SEC14L6: variants seen among roughly 807,000 people sequenced by gnomAD.
SEC14L6 encodes the protein SEC14 like lipid binding 6.
SEC14L6 carries 40 observed loss-of-function variants against 54.1 expected under a neutral mutation model. That is an observed-to-expected ratio of 0.74 (90% confidence interval 0.57 to 0.96). The LOEUF is 0.96. SEC14L6 is among the 40% of genes least tolerant of loss of function. The probability of loss-of-function intolerance (pLI) is 0.00; values close to 1 mark genes in which losing one functional copy is unlikely to be tolerated. For synonymous variants in SEC14L6, 171 were observed against 198.4 expected, an observed-to-expected ratio of 0.86 and a Z score of 1.16; for missense variants, 471 against 498.3, an observed-to-expected ratio of 0.95 and a Z score of 0.52.
At chr22:30,546,537 G>C in intron 1 of SEC14L6, 92 bp downstream of exon 1, 2 of 1,224,314 alleles carry the variant, frequency 1.6e-6, no homozygotes, top group South Asian at 2.7e-5. Context: ...GAGCTGGAGA[G>C]TTCAGAAGAA....
chr22:30,545,029 C>T (rs768687002), intron 1 of SEC14L6, among the ~76,000 whole-genome samples: 7 of 152,148 alleles, frequency 4.6e-5, no homozygotes, highest in South Asian at 2.1e-4. Flanking sequence ...ACCACCTACC[C>T]CATGCAAAAC....
intron 11 of SEC14L6, 42 bp downstream of exon 11, chr22:30,525,307 CT>C: frequency 6.3e-7 from 1 of 1,597,772 alleles, no homozygotes; most frequent in Non-Finnish European, 8.5e-7. Flanking sequence ...CACCCTCCCC[CT>C]AGCCCCCAGC....
At chr22:30,535,033 A>C (rs1937100950) in intron 2 of SEC14L6, among the ~76,000 whole-genome samples, 1 of 74,138 alleles carries the variant, frequency 1.3e-5, no homozygotes, top group Non-Finnish European at 3.1e-5. Flanking sequence ...TGTCCCTATA[A>C]AAAGAAAAAA....
intron 8 of SEC14L6, among the ~76,000 whole-genome samples, chr22:30,528,422 C>CTTTTTTTTTTTTTTTTT (rs375073961): frequency 1.6e-4 from 17 of 105,518 alleles, no homozygotes; most frequent in South Asian, 9.6e-4. Context: ...CGCTCGGCCT[C>CTTTTTTTTTTTTTTTTT]TTTTTTTTTT....
intron 8 of SEC14L6, among the ~76,000 whole-genome samples, chr22:30,526,779 G>A (rs896974957): frequency 1.3e-5 from 2 of 152,064 alleles, no homozygotes; most frequent in African/African-American, 4.8e-5. Flanking sequence ...GGCAAACTAT[G>A]AACTGGCCAA....
chr22:30,525,024 G>A lies in SEC14L6; in HGVS notation c.1167C>T (p.Thr389=), dbSNP rs1936715952. Residue 389 remains threonine (T), a synonymous_variant, in exon 12 of 12, where the codon ACC becomes ACT. Transcript: ENST00000402034. ...YTVEVLLPDQ[T]FMEKMEKF is the part of the protein sequence containing the mutation. ...AGAATTTCTCCATCTTCTCCATGAA[G>A]GTTTGGTCTGGGAGCAGTACCTCCA... 6.5e-7 allele frequency: 1 copy of A among 1,544,574 alleles called. No homozygotes were observed. The highest frequency in any genetic ancestry group is 1.4e-5 in the African/African-American group (1 of 72,922).
At chr22:30,542,600 G>A (rs2085742356) in intron 1 of SEC14L6, 25 of 1,508,096 alleles carry the variant, frequency 1.7e-5, no homozygotes, top group Admixed American at 2.2e-5. Context: ...GTCCCCGGCC[G>A]CCTCGGGCCG....
Position 30,524,900 on chromosome 22 carries a change from G to C in SEC14L6, c.*97C>G. On this transcript the variant is annotated 3_prime_UTR_variant, in exon 12 of 12. Transcript: ENST00000402034. ...TGTGACCTGCTGTTGTAGAATCCCT[G>C]TTCCTGAGAGGTTGAACAGGGTCTG... The C allele has an allele frequency of 1.4e-6, 1 of 706,488 alleles. No individual in the cohort carries two copies. Among genetic ancestry groups the C allele is most frequent in the African/African-American group, 1.7e-5 (1 of 57,168 alleles). The allele number at this position is 706,488 out of a possible 1,614,324, so 43.8% of individuals were successfully genotyped here.
At chr22:30,528,119 CTTTTTTTTTTTT>C (rs1201756831) in intron 8 of SEC14L6, among the ~76,000 whole-genome samples, 4 of 117,700 alleles carry the variant, frequency 3.4e-5, no homozygotes, top group Non-Finnish European at 5.3e-5. Context: ...ACCTAGATTT[CTTTTTTTTTTTT>C]TTTTTTTTTG....
chr22:30,535,900 T>TC (rs1937127201), intron 2 of SEC14L6, among the ~76,000 whole-genome samples: 1 of 150,282 alleles, frequency 6.7e-6, no homozygotes, highest in African/African-American at 2.4e-5. Context: ...TTTTTTTTTT[T>TC]TTTTTTTTTG....
Position 30,531,892 on chromosome 22 carries a change from G to T in SEC14L6, c.519+11C>A, listed in dbSNP as rs370202016. The T allele has an allele frequency of 1.3e-6, 2 of 1,546,242 alleles. No homozygotes were observed. Among genetic ancestry groups the T allele is most frequent in the Non-Finnish European group, 1.7e-6 (2 of 1,143,292 alleles). On this transcript the variant is annotated intron_variant, in intron 6 of 11. Transcript: ENST00000402034. ...GACCACCCACCCATGCCCCTGGCGG[G>T]GTCACCTCACCTCCTGGAGAAGCTC...
rs1341184988 is a variant in SEC14L6 at position 30,533,975 on chromosome 22, A to G, written c.174+21T>C. On this transcript the variant is annotated intron_variant, in intron 3 of 11. Transcript: ENST00000402034. The stretch of plus-strand genomic sequence containing the variant: ...GATAGGAAACAGGACCAGGCTAGGC[A>G]GGGGGAGGTGTCAACCTCACCTTCC... 1.9e-6 allele frequency: 3 copies of G among 1,549,414 alleles called. No homozygotes were observed. The South Asian group carries it at 3.6e-5, about 18-fold the overall frequency.
At chr22:30,534,430 GAGA>G (rs1423143918) in intron 2 of SEC14L6, among the ~76,000 whole-genome samples, 1 of 128,810 alleles carries the variant, frequency 7.8e-6, no homozygotes, top group African/African-American at 3.0e-5. Flanking sequence ...TTTTTTTTTT[GAGA>G]AGGAGTCTCC....
chr22:30,543,755 T>TCAGA (rs1346228425), intron 1 of SEC14L6: 1 of 1,573,130 alleles, frequency 6.4e-7, no homozygotes, highest in Middle Eastern at 1.7e-4. Context: ...CTCGTCCGAA[T>TCAGA]CAGACAGAAG....
At chr22:30,533,126 A>G (rs1246311990) in intron 3 of SEC14L6, 25 of 985,340 alleles carry the variant, frequency 2.5e-5, no homozygotes, top group Non-Finnish European at 2.9e-5. Context: ...GATGTTTCCC[A>G]TGCCCCCTCC....
At position 30,532,006 on chromosome 22, in the gene SEC14L6, G is replaced by A; in HGVS notation, c.424-8C>T. 1.3e-6 allele frequency: 2 copies of A among 1,549,850 alleles called. No homozygotes were observed. Among genetic ancestry groups the A allele is most frequent in the Non-Finnish European group, 1.7e-6 (2 of 1,146,318 alleles). On this transcript the variant is annotated splice_polypyrimidine_tract_variant and splice_region_variant and intron_variant, in intron 5 of 11. Coordinates refer to ENST00000402034, the MANE Select transcript of SEC14L6 (RefSeq NM_001193336.4). Reference sequence around the variant, plus strand: ...CTCCACCCTCTTCCCCAGCTGCAAGGGAATGACAGGGGGTGAGACCCTGTG... The same window carrying A: ...CTCCACCCTCTTCCCCAGCTGCAAGAGAATGACAGGGGGTGAGACCCTGTG...
chr22:30,542,590 G>T, intron 1 of SEC14L6: 5 of 1,496,030 alleles, frequency 3.3e-6, no homozygotes, highest in Non-Finnish European at 4.4e-6. Flanking sequence ...CCGCGGGCCG[G>T]TCCCCGGCCG....
intron 2 of SEC14L6, among the ~76,000 whole-genome samples, chr22:30,537,021 CAAAA>C (rs11383409): frequency 2.5e-5 from 2 of 78,500 alleles, no homozygotes; most frequent in Admixed American, 1.6e-4. Flanking sequence ...GACTCTGACT[CAAAA>C]AAAAAAAAAA....
intron 1 of SEC14L6, chr22:30,542,565 C>T (rs1228574364): frequency 2.8e-5 from 40 of 1,404,834 alleles, no homozygotes; most frequent in Non-Finnish European, 3.3e-5. Context: ...GCGGCGTAGC[C>T]GCGGCCCATG....
Sources: allele counts gnomAD v4.1 joint callset (sites outside exome capture counted in the v4.1 genomes callset), GRCh38; gene constraint gnomAD v4.1.1; transcripts MANE v1.5; gene names NCBI Gene and HGNC (gene_info 2026-07-23, HGNC 2026-07-21).